Variants in KNSTRN observed in about 807,000 individuals in gnomAD.
KNSTRN encodes small kinetochore-associated protein.
KNSTRN carries 38 observed loss-of-function variants against 44.7 expected under a neutral mutation model. The ratio of observed to expected loss-of-function variants is 0.85; its 90% CI spans 0.66 to 1.11. KNSTRN has a LOEUF of 1.11. KNSTRN is among the 50% of genes most tolerant of loss of function. The pLI is 0.00. For missense variants in KNSTRN, 406 were observed against 375.8 expected (o/e 1.08, Z -0.66); for synonymous variants, 158 against 148.1 (o/e 1.07, Z -0.48).
At chr15:40,384,601 A>C (rs1889873203) in intron 2 of KNSTRN, 1 of 409,876 alleles carries the variant, frequency 2.4e-6, no homozygotes, top group Admixed American at 2.8e-5. Flanking sequence ...GCCAAGTTGG[A>C]AGTGTTCATC....
At chr15:40,388,843 C>T (rs1190293391) in intron 4 of KNSTRN, among the ~76,000 whole-genome samples, 2 of 152,164 alleles carry the variant, frequency 1.3e-5, no homozygotes, top group African/African-American at 2.4e-5. Context: ...TTGTTTATGG[C>T]CAGTTTTGGG....
At position 40,394,098 on chromosome 15, in the gene KNSTRN, G is replaced by A. The variant is rs1428232393; in HGVS notation, c.*501G>A. ...TACCTCCTTATTAATTTATGAACCT[G>A]AAGTTGCTTGAAGTGTTTTGGGCTT... On this transcript the variant is annotated 3_prime_UTR_variant, in exon 9 of 9. Coordinates refer to ENST00000249776, the MANE Select transcript of KNSTRN (RefSeq NM_033286.4). 3 of 152,680 alleles carry A rather than the reference G, an allele frequency of 2.0e-5. No homozygotes were observed. The highest frequency in any genetic ancestry group is 7.2e-5 in the African/African-American group (3 of 41,416). The allele number at this position is 152,680 out of a possible 1,614,324, so 9.5% of individuals were successfully genotyped here.
chr15:40,390,341 G>A (rs1889977867), intron 6 of KNSTRN, among the ~76,000 whole-genome samples: 2 of 152,202 alleles, frequency 1.3e-5, no homozygotes, highest in South Asian at 4.1e-4. Flanking sequence ...AATCCCAAAT[G>A]GGAAGAGAAA....
chr15:40,387,588 A>G (rs1413622595), intron 4 of KNSTRN, among the ~76,000 whole-genome samples: 3 of 152,116 alleles, frequency 2.0e-5, no homozygotes, highest in African/African-American at 7.2e-5. Flanking sequence ...AAACCTGGAG[A>G]AGGATTCATG....
chr15:40,391,632 T>C (rs891531085), intron 7 of KNSTRN, 78 bp downstream of exon 7: 10 of 1,208,672 alleles, frequency 8.3e-6, no homozygotes, highest in Non-Finnish European at 1.2e-5. Flanking sequence ...CTCTGCTATA[T>C]ATTCCATAAA....
chr15:40,389,684 T>C (rs929740601), intron 5 of KNSTRN, 73 bp downstream of exon 5: 50 of 1,326,588 alleles, frequency 3.8e-5, no homozygotes, highest in Non-Finnish European at 5.1e-5. Context: ...GGGTGGCCCC[T>C]TGGATGAGCA....
intron 6 of KNSTRN, among the ~76,000 whole-genome samples, chr15:40,391,056 A>G (rs560272226): frequency 2.3e-4 from 35 of 152,332 alleles, no homozygotes; most frequent in African/African-American, 7.9e-4. Flanking sequence ...AGCTGGGACT[A>G]CAGGTGTGCA....
At chr15:40,385,975 G>A (rs1161628546) in intron 2 of KNSTRN, among the ~76,000 whole-genome samples, 1 of 152,262 alleles carries the variant, frequency 6.6e-6, no homozygotes, top group Admixed American at 6.5e-5. Flanking sequence ...GATTTGGCCA[G>A]GCATCGTGGC....
At chr15:40,391,584 G>A (rs373232706) in intron 7 of KNSTRN, 30 bp downstream of exon 7, 47 of 1,568,430 alleles carry the variant, frequency 3.0e-5, no homozygotes, top group Non-Finnish European at 4.1e-5. Flanking sequence ...AGGGCGCAAG[G>A]GCTGAGTGAC....
At chr15:40,384,164 G>A (rs919263018) in intron 2 of KNSTRN, 1 of 228,574 alleles carries the variant, frequency 4.4e-6, no homozygotes, top group African/African-American at 2.3e-5. Context: ...ACGAGGTCAG[G>A]AGATGGAGAC....
Position 40,386,722 on chromosome 15 carries a change from C to T in KNSTRN, c.437+228C>T, listed in dbSNP as rs1889909104. 9 of 554,204 alleles carry T rather than the reference C, an allele frequency of 1.6e-5. No homozygotes were observed. In the South Asian group the frequency reaches 2.0e-4, roughly 12 times the overall value. 34.3% of individuals were successfully genotyped at this position (554,204 alleles called of 1,614,324 possible). Reference sequence around the variant, plus strand: ...AGAGGTGTTCTTTCCTCTTTCATCGCTTGCTCTGAGCATACAAGTGGCAGC... The same window carrying T: ...AGAGGTGTTCTTTCCTCTTTCATCGTTTGCTCTGAGCATACAAGTGGCAGC... On this transcript the variant is annotated intron_variant, in intron 3 of 8. Transcript: ENST00000249776.
At chr15:40,388,714 T>C (rs554903686) in intron 4 of KNSTRN, among the ~76,000 whole-genome samples, 3 of 151,896 alleles carry the variant, frequency 2.0e-5, no homozygotes, top group African/African-American at 7.3e-5. Flanking sequence ...AAAAAATGCC[T>C]TTAAGTGGTT....
chr15:40,391,801 G>A (rs1890002177), intron 7 of KNSTRN, 148 bp from the exon 8 acceptor site: 2 of 702,958 alleles, frequency 2.8e-6, no homozygotes, highest in East Asian at 5.1e-5. Flanking sequence ...CCTGTAGAGA[G>A]AGCTTTCTCG....
chr15:40,392,751 C>T (rs922223230), intron 8 of KNSTRN, among the ~76,000 whole-genome samples: 13 of 152,120 alleles, frequency 8.5e-5, no homozygotes, highest in African/African-American at 3.1e-4. Context: ...GCTGGGATTA[C>T]AGGCATTTGC....
At chr15:40,384,488 G>A (rs1451615719) in intron 2 of KNSTRN, 2 of 455,886 alleles carry the variant, frequency 4.4e-6, no homozygotes, top group East Asian at 1.4e-4. Context: ...GCACCAGCGG[G>A]GACTAGGAGT....
intron 2 of KNSTRN, chr15:40,384,051 T>A (rs140330408): frequency 1.9e-4 from 31 of 164,422 alleles, no homozygotes; most frequent in Middle Eastern, 3.1e-3. Flanking sequence ...ATGATTCCAC[T>A]CAGCTGGTAC....
intron 7 of KNSTRN, 92 bp downstream of exon 7, chr15:40,391,646 C>T (rs1889999888): frequency 9.8e-7 from 1 of 1,025,294 alleles, no homozygotes; most frequent in African/African-American, 1.6e-5. Flanking sequence ...CCATAAACTC[C>T]AAGAAACAGC....
intron 2 of KNSTRN, among the ~76,000 whole-genome samples, chr15:40,386,133 A>G (rs1022471656): frequency 4.6e-5 from 7 of 152,196 alleles, no homozygotes; most frequent in African/African-American, 1.7e-4. Context: ...AGGCTGAGGC[A>G]GGAGAATCGT....
chr15:40,386,579 A>G (rs1428083939), intron 3 of KNSTRN, 85 bp downstream of exon 3: 2 of 1,446,046 alleles, frequency 1.4e-6, no homozygotes, highest in Non-Finnish European at 1.9e-6. Flanking sequence ...GTTTTGGACA[A>G]CACAAGTCTC....
Sources: gnomAD v4.1 joint callset for allele counts (sites outside exome capture counted in the v4.1 genomes callset) on GRCh38, gnomAD v4.1.1 for gene constraint, MANE v1.5 for transcripts, NCBI Gene and HGNC (gene_info 2026-07-23, HGNC 2026-07-21) for gene names.